Variants in CHD7 observed in about 807,000 individuals in gnomAD.
The protein encoded by CHD7 is chromodomain helicase DNA binding protein 7, also known as ATP-dependent chromatin remodeler CHD7.
CHD7 carries 24 observed loss-of-function variants against 307.3 expected under a neutral mutation model. The ratio of observed to expected loss-of-function variants is 0.08; its 90% CI spans 0.06 to 0.11. The LOEUF is 0.11. CHD7 is among the 10% of genes least tolerant of loss of function. CHD7 has a pLI of 1.00. For missense variants in CHD7, 3,106 were observed against 3,727.1 expected, an observed-to-expected ratio of 0.83 and a Z score of 4.34; for synonymous variants, 1,363 against 1,349.9, an observed-to-expected ratio of 1.01 and a Z score of -0.21.
chr8:60,826,973 G>T (rs995809675), intron 13 of CHD7, among the ~76,000 whole-genome samples: 1 of 152,184 alleles, frequency 6.6e-6, no homozygotes, highest in Admixed American at 6.5e-5. Context: ...TTTCTTACCT[G>T]ATGTTTTGTG....
intron 3 of CHD7, among the ~76,000 whole-genome samples, chr8:60,786,518 A>G (rs898750812): frequency 2.0e-5 from 3 of 152,172 alleles, no homozygotes; most frequent in Admixed American, 1.3e-4. Flanking sequence ...ACTTTGGTTT[A>G]TATGGGAGAA....
chr8:60,817,884 G>A (rs577484037), intron 8 of CHD7, among the ~76,000 whole-genome samples: 1 of 152,236 alleles, frequency 6.6e-6, no homozygotes, highest in South Asian at 2.1e-4. Context: ...AGGGAGACAG[G>A]CAAAAGCGCA....
rs376690426 is a variant in CHD7, at chr8:60,749,873, C to T, written c.1665+6776C>T. Among the ~76,000 whole-genome samples, 73 of 152,324 alleles carry T rather than the reference C, an allele frequency of 4.8e-4. No individual in the cohort carries two copies. The South Asian group carries it at 0.013, about 26-fold the overall frequency. On this transcript the variant is annotated intron_variant, in intron 2 of 37. Coordinates refer to ENST00000423902, the MANE Select transcript of CHD7 (RefSeq NM_017780.4). ...GCTCTCAACAGCCTGTGGTTTCTCACGAAGACTCTTAAAGTATTTCTTTTG... is the reference window on the plus strand; with the variant it reads ...GCTCTCAACAGCCTGTGGTTTCTCATGAAGACTCTTAAAGTATTTCTTTTG...
intron 1 of CHD7, among the ~76,000 whole-genome samples, chr8:60,736,758 T>A (rs1329227808): frequency 6.6e-6 from 1 of 152,212 alleles, no homozygotes; most frequent in African/African-American, 2.4e-5. Context: ...GACATTTTAC[T>A]TACACAATAG....
chr8:60,701,657 A>G (rs1489913114), intron 1 of CHD7, among the ~76,000 whole-genome samples: 1 of 152,234 alleles, frequency 6.6e-6, no homozygotes, highest in Non-Finnish European at 1.5e-5. Context: ...AGACAATTAC[A>G]ATTTTTAAAG....
chr8:60,813,386 C>A (rs1056682038), intron 7 of CHD7, among the ~76,000 whole-genome samples: 2 of 152,102 alleles, frequency 1.3e-5, no homozygotes, highest in African/African-American at 4.8e-5. Flanking sequence ...ATTATTATGT[C>A]TCTTATTGTT....
At chr8:60,679,816 G>T (rs1350615564) in intron 1 of CHD7, 1 of 150,126 alleles carries the variant, frequency 6.7e-6, no homozygotes, top group African/African-American at 2.4e-5. Flanking sequence ...GGGAAAGTGC[G>T]CGGGGCGCCG....
chr8:60,859,618 A>C (rs1381781006), intron 34 of CHD7, among the ~76,000 whole-genome samples: 1 of 152,174 alleles, frequency 6.6e-6, no homozygotes, highest in East Asian at 1.9e-4. Context: ...TTCCCTATGG[A>C]TGGCTGTACT....
chr8:60,801,510 A>C lies in CHD7; in HGVS notation c.2377-18A>C. ...AGATGTTTTCTATTTGGATTGATGC[A>C]CATGCCTTTTTTTTTAGGAATCTGT... On this transcript the variant is annotated intron_variant, in intron 5 of 37. Coordinates refer to ENST00000423902, the MANE Select transcript of CHD7 (RefSeq NM_017780.4). 6.4e-7 allele frequency: 1 copy of C among 1,551,504 alleles called. No individual in the cohort carries two copies. Among genetic ancestry groups the C allele is most frequent in the South Asian group, 1.2e-5 (1 of 84,370 alleles).
At chr8:60,712,476 C>T (rs1056247836) in intron 1 of CHD7, among the ~76,000 whole-genome samples, 3 of 152,208 alleles carry the variant, frequency 2.0e-5, no homozygotes, top group Non-Finnish European at 4.4e-5. Context: ...ATCGGCCCTC[C>T]TGCATCGGAT....
intron 2 of CHD7, among the ~76,000 whole-genome samples, chr8:60,752,791 A>G (rs902421384): frequency 2.6e-5 from 4 of 152,186 alleles, no homozygotes; most frequent in Non-Finnish European, 5.9e-5. Context: ...TGTTATTTTT[A>G]AAAACAAGTC....
intron 1 of CHD7, among the ~76,000 whole-genome samples, chr8:60,718,478 AG>A: frequency 6.6e-6 from 1 of 152,152 alleles, no homozygotes; most frequent in South Asian, 2.1e-4. Context: ...CCATCTCAAA[AG>A]AAAAAAAAAA....
intron 1 of CHD7, among the ~76,000 whole-genome samples, chr8:60,710,531 CTGT>C (rs1807239127): frequency 6.6e-6 from 1 of 152,206 alleles, no homozygotes; most frequent in Non-Finnish European, 1.5e-5. Context: ...AGTGTCTTTT[CTGT>C]TGTTAAGAAC....
rs1159369644 is a variant in CHD7 at position 60,867,605 on chromosome 8, C to G, written c.*1672C>G. On this transcript the variant is annotated 3_prime_UTR_variant, in exon 38 of 38. Transcript: ENST00000423902. ...GGAAGGGATGTGGACGAGAGTGTTT[C>G]GTGTGTGTTGCCTTCCTCCACACCC... is the stretch of plus-strand genomic sequence containing the variant. The G allele has an allele frequency of 6.6e-6, 1 of 152,220 alleles. No homozygotes were observed. The highest frequency in any genetic ancestry group is 1.5e-5 in the Non-Finnish European group (1 of 68,062). 9.4% of individuals were successfully genotyped at this position (152,220 alleles called of 1,614,324 possible).
At chr8:60,736,880 G>A (rs141264817) in intron 1 of CHD7, among the ~76,000 whole-genome samples, 8 of 152,208 alleles carry the variant, frequency 5.3e-5, no homozygotes, top group East Asian at 1.9e-4. Flanking sequence ...AAGGTTCTGC[G>A]TCACTACAAA....
chr8:60,864,065 A>G (rs778345429), intron 37 of CHD7: 1 of 151,906 alleles, frequency 6.6e-6, no homozygotes, highest in Non-Finnish European at 1.5e-5. Flanking sequence ...TATTTAATTG[A>G]CAAAAATTAA....
chr8:60,858,654 C>T (rs1009703648), intron 34 of CHD7, among the ~76,000 whole-genome samples: 1 of 152,220 alleles, frequency 6.6e-6, no homozygotes, highest in Non-Finnish European at 1.5e-5. Context: ...TTCGCCCAGG[C>T]TGGAGCACAA....
chr8:60,681,571 AAAATAATTTGGAAATGGGTAAAGG>A (rs1465676939), intron 1 of CHD7, among the ~76,000 whole-genome samples: 4 of 152,220 alleles, frequency 2.6e-5, no homozygotes, highest in African/African-American at 9.6e-5. Flanking sequence ...AAGTTATAGT[AAAATAATTTGGAAATGGGTAAAGG>A]CTTGAGCAGC....
intron 2 of CHD7, among the ~76,000 whole-genome samples, chr8:60,772,481 G>A (rs969969256): frequency 2.0e-5 from 3 of 152,186 alleles, no homozygotes; most frequent in East Asian, 1.9e-4. Context: ...CATGCAAAGC[G>A]TTTTGACCAG....
Sources: allele counts gnomAD v4.1 joint callset (sites outside exome capture counted in the v4.1 genomes callset), GRCh38; gene constraint gnomAD v4.1.1; transcripts MANE v1.5; gene names NCBI Gene and HGNC (gene_info 2026-07-23, HGNC 2026-07-21).